The following MPPED1 variants were observed in gnomAD, a reference collection of about 807,000 sequenced individuals.
The protein encoded by MPPED1 is metallophosphoesterase domain-containing protein 1.
A neutral mutation model predicts 36.2 loss-of-function variants in MPPED1; 16 were observed. The observed-to-expected ratio is 0.44, with a 90% CI of 0.30 to 0.67. MPPED1 has a LOEUF of 0.67. Among genes scored for constraint, MPPED1 ranks in the 30% least tolerant of loss-of-function variants. The probability of loss-of-function intolerance (pLI) is 0.10; values close to 1 mark genes in which losing one functional copy is unlikely to be tolerated. For missense variants in MPPED1, 307 were observed against 453.4 expected (o/e 0.68, Z 2.93); for synonymous variants, 199 against 191.3 (o/e 1.04, Z -0.33).
chr22:43,470,367 A>C (rs1456567655), intron 3 of MPPED1, among the ~76,000 whole-genome samples: 1 of 151,870 alleles, frequency 6.6e-6, no homozygotes, highest in South Asian at 2.1e-4. Flanking sequence ...ATATCTATCC[A>C]TCTACAAAGC....
At chr22:43,500,017 A>AGGT (rs1319551813) in intron 5 of MPPED1, among the ~76,000 whole-genome samples, 4 of 2,492 alleles carry the variant, frequency 1.6e-3, no homozygotes, top group East Asian at 0.013. Flanking sequence ...GTGATGGTGG[A>AGGT]GGTGGTGGTG....
At chr22:43,475,031 G>T (rs1931500484) in intron 4 of MPPED1, 70 bp downstream of exon 4, 1 of 1,408,464 alleles carries the variant, frequency 7.1e-7, no homozygotes, top group East Asian at 2.3e-5. Flanking sequence ...AGGGGGTGTA[G>T]GGGATGGGAG....
intron 3 of MPPED1, among the ~76,000 whole-genome samples, chr22:43,445,667 C>T (rs903163261): frequency 6.7e-6 from 1 of 149,180 alleles, no homozygotes. Flanking sequence ...CTTAAGCAAC[C>T]CTCCCGTCTT....
chr22:43,501,691 C>T (rs2146927797), intron 5 of MPPED1, among the ~76,000 whole-genome samples: 1 of 152,328 alleles, frequency 6.6e-6, no homozygotes, highest in South Asian at 2.1e-4. Flanking sequence ...AACGGAGGCA[C>T]AGAGAGGTTA....
intron 3 of MPPED1, among the ~76,000 whole-genome samples, chr22:43,464,561 C>A (rs764551205): frequency 6.6e-6 from 1 of 152,086 alleles, no homozygotes; most frequent in African/African-American, 2.4e-5. Flanking sequence ...TTTTGTGTGA[C>A]CCTGGTAGTG....
chr22:43,428,081 A>C (rs945228856), intron 2 of MPPED1, among the ~76,000 whole-genome samples: 3 of 152,128 alleles, frequency 2.0e-5, no homozygotes, highest in Non-Finnish European at 2.9e-5. Context: ...GATCGAAGGC[A>C]CCCCTGCCTG....
intron 4 of MPPED1, among the ~76,000 whole-genome samples, chr22:43,495,465 TGGTGATGGTGGA>T (rs1932247159): frequency 1.4e-5 from 2 of 141,764 alleles, no homozygotes; most frequent in Non-Finnish European, 3.1e-5. Context: ...GTGGAAGTGC[TGGTGATGGTGGA>T]GGTGGTGGTG....
intron 3 of MPPED1, among the ~76,000 whole-genome samples, chr22:43,437,767 G>T (rs894133391): frequency 6.6e-6 from 1 of 152,200 alleles, no homozygotes; most frequent in Non-Finnish European, 1.5e-5. Context: ...CTTGCAAAAT[G>T]TAAAGTGCTG....
intron 3 of MPPED1, among the ~76,000 whole-genome samples, chr22:43,460,160 T>G (rs1930896790): frequency 6.6e-6 from 1 of 151,232 alleles, no homozygotes; most frequent in Non-Finnish European, 1.5e-5. Context: ...TGAGCCAAGA[T>G]TGCGCCATTG....
chr22:43,451,166 C>A (rs532353875), intron 3 of MPPED1, among the ~76,000 whole-genome samples: 126 of 152,026 alleles, frequency 8.3e-4, no homozygotes, highest in African/African-American at 2.6e-3. Flanking sequence ...GCCACCACAC[C>A]CAGTTAATTT....
intron 3 of MPPED1, among the ~76,000 whole-genome samples, chr22:43,448,029 C>T (rs1930424865): frequency 6.6e-6 from 1 of 151,436 alleles, no homozygotes. Context: ...CAGGCACCCA[C>T]CACCACGCCT....
At chr22:43,482,951 T>A (rs1931796177) in intron 4 of MPPED1, among the ~76,000 whole-genome samples, 3 of 152,362 alleles carry the variant, frequency 2.0e-5, no homozygotes, top group Admixed American at 6.5e-5. Flanking sequence ...TTGATGTGAT[T>A]GCAGTGACAG....
At chr22:43,465,600 G>A (rs541656512) in intron 3 of MPPED1, among the ~76,000 whole-genome samples, 2 of 152,342 alleles carry the variant, frequency 1.3e-5, no homozygotes, top group East Asian at 3.9e-4. Flanking sequence ...TTGGTTGTCA[G>A]GGCTGTGAGA....
chr22:43,427,222 C>T (rs945291845), intron 2 of MPPED1, among the ~76,000 whole-genome samples: 8 of 152,176 alleles, frequency 5.3e-5, no homozygotes, highest in Admixed American at 3.3e-4. Context: ...AGCTCCTAGT[C>T]AGAGAACTGA....
chr22:43,457,486 C>T (rs1930795188), intron 3 of MPPED1, among the ~76,000 whole-genome samples: 1 of 151,976 alleles, frequency 6.6e-6, no homozygotes, highest in Non-Finnish European at 1.5e-5. Flanking sequence ...TTTGACTGTA[C>T]TGTTTAAGCA....
intron 4 of MPPED1, among the ~76,000 whole-genome samples, chr22:43,495,843 T>C (rs1932304465): frequency 1.4e-5 from 1 of 69,588 alleles, no homozygotes; most frequent in African/African-American, 5.9e-5. Flanking sequence ...GTAGTGGTGG[T>C]GGAGATGGTG....
At chr22:43,483,204 A>C (rs1931803668) in intron 4 of MPPED1, among the ~76,000 whole-genome samples, 1 of 152,228 alleles carries the variant, frequency 6.6e-6, no homozygotes, top group South Asian at 2.1e-4. Context: ...TTAGAGAAAA[A>C]ACGAGACAGG....
At chr22:43,420,826 C>T (rs1279753487) in intron 1 of MPPED1, among the ~76,000 whole-genome samples, 1 of 152,206 alleles carries the variant, frequency 6.6e-6, no homozygotes, top group African/African-American at 2.4e-5. Flanking sequence ...TATTGTCCCC[C>T]CTCCACCCCG....
intron 3 of MPPED1, among the ~76,000 whole-genome samples, chr22:43,464,946 A>G (rs577192629): frequency 3.9e-5 from 6 of 152,258 alleles, no homozygotes; most frequent in South Asian, 2.1e-4. Context: ...ATCCCGTCCT[A>G]TACAAGGGCC....
Sources: allele counts gnomAD v4.1 joint callset (sites outside exome capture counted in the v4.1 genomes callset), GRCh38; gene constraint gnomAD v4.1.1; transcripts MANE v1.5; gene names NCBI Gene and HGNC (gene_info 2026-07-23, HGNC 2026-07-21).